SLC9A9: variants seen among roughly 807,000 people sequenced by gnomAD.
SLC9A9 encodes sodium/hydrogen exchanger 9.
SLC9A9 carries 62 observed loss-of-function variants against 77.8 expected under a neutral mutation model. That is an observed-to-expected ratio of 0.80 (90% CI 0.65 to 0.98). SLC9A9 has a LOEUF of 0.98. SLC9A9 is among the 50% of genes least tolerant of loss of function. SLC9A9 has a pLI of 0.00. For missense variants in SLC9A9, 775 were observed against 774.9 expected, an observed-to-expected ratio of 1.00 and a Z score of 0.00; for synonymous variants, 320 against 283.5, an observed-to-expected ratio of 1.13 and a Z score of -1.29.
chr3:143,463,137 T>G (rs1472294292), intron 12 of SLC9A9, among the ~76,000 whole-genome samples: 1 of 152,242 alleles, frequency 6.6e-6, no homozygotes, highest in Non-Finnish European at 1.5e-5. Flanking sequence ...AAAGGTTATC[T>G]TGTTGAGGGC....
At chr3:143,672,824 C>A (rs188738755) in intron 5 of SLC9A9, among the ~76,000 whole-genome samples, 1 of 152,292 alleles carries the variant, frequency 6.6e-6, no homozygotes. Context: ...TTTCTCCCCC[C>A]AACCTTTAAA....
chr3:143,732,282 C>T, intron 4 of SLC9A9, among the ~76,000 whole-genome samples: 1 of 152,154 alleles, frequency 6.6e-6, no homozygotes, highest in East Asian at 1.9e-4. Context: ...CCACAAATTC[C>T]TTAGTTTAGA....
intron 12 of SLC9A9, among the ~76,000 whole-genome samples, chr3:143,456,523 T>C (rs1432924636): frequency 6.6e-6 from 1 of 152,118 alleles, no homozygotes; most frequent in Non-Finnish European, 1.5e-5. Flanking sequence ...GCTTGTAGTT[T>C]ATTTTTTTGG....
chr3:143,547,562 C>T (rs189715371), intron 9 of SLC9A9, among the ~76,000 whole-genome samples: 1 of 152,304 alleles, frequency 6.6e-6, no homozygotes, highest in East Asian at 1.9e-4. Context: ...TCTCCATGAC[C>T]TGTCTCTTCT....
chr3:143,806,329 T>C (rs948141291), intron 2 of SLC9A9, among the ~76,000 whole-genome samples: 12 of 152,210 alleles, frequency 7.9e-5, no homozygotes, highest in African/African-American at 2.9e-4. Flanking sequence ...CTGTGATTTT[T>C]AGCATTTTGG....
At chr3:143,502,858 A>G (rs553988568) in intron 9 of SLC9A9, among the ~76,000 whole-genome samples, 42 of 152,272 alleles carry the variant, frequency 2.8e-4, no homozygotes, top group Admixed American at 1.4e-3. Context: ...TACTTGTAAA[A>G]TTTGTCTTTA....
At chr3:143,704,395 C>T (rs1015620679) in intron 4 of SLC9A9, among the ~76,000 whole-genome samples, 1 of 152,060 alleles carries the variant, frequency 6.6e-6, no homozygotes, top group Non-Finnish European at 1.5e-5. Flanking sequence ...GGAATTTATC[C>T]CAGGGAAGCA....
At chr3:143,592,059 A>C (rs2037653309) in intron 6 of SLC9A9, among the ~76,000 whole-genome samples, 1 of 152,196 alleles carries the variant, frequency 6.6e-6, no homozygotes, top group South Asian at 2.1e-4. Flanking sequence ...AACTTTCATC[A>C]CCTTCTCTAT....
At chr3:143,675,027 C>T (rs1022694808) in intron 5 of SLC9A9, among the ~76,000 whole-genome samples, 2 of 152,180 alleles carry the variant, frequency 1.3e-5, no homozygotes, top group African/African-American at 2.4e-5. Flanking sequence ...ATCAGAATTT[C>T]AGGAGGCAGA....
intron 9 of SLC9A9, among the ~76,000 whole-genome samples, chr3:143,531,893 A>G (rs1339065807): frequency 6.6e-6 from 1 of 152,208 alleles, no homozygotes; most frequent in East Asian, 1.9e-4. Flanking sequence ...ACTGTTACTA[A>G]GACATCCTTT....
At chr3:143,706,452 T>C (rs1933980109) in intron 4 of SLC9A9, among the ~76,000 whole-genome samples, 1 of 140,932 alleles carries the variant, frequency 7.1e-6, no homozygotes, top group Non-Finnish European at 1.5e-5. Context: ...CCACTCTACT[T>C]AGACTTTGTT....
chr3:143,818,217 T>G (rs1239008079), intron 2 of SLC9A9, among the ~76,000 whole-genome samples: 3 of 152,340 alleles, frequency 2.0e-5, no homozygotes, highest in African/African-American at 7.2e-5. Context: ...ATCACATATA[T>G]TTTTTAAATT....
intron 9 of SLC9A9, among the ~76,000 whole-genome samples, chr3:143,547,752 T>C (rs1481867324): frequency 6.6e-6 from 1 of 152,248 alleles, no homozygotes; most frequent in African/African-American, 2.4e-5. Flanking sequence ...AGGCCTTTTC[T>C]GGACACCCAA....
intron 4 of SLC9A9, among the ~76,000 whole-genome samples, chr3:143,723,300 G>C (rs959132205): frequency 1.1e-4 from 17 of 152,224 alleles, no homozygotes; most frequent in Non-Finnish European, 2.2e-4. Flanking sequence ...TGAAAAGCAA[G>C]GTCAAGACAA....
intron 6 of SLC9A9, among the ~76,000 whole-genome samples, chr3:143,597,455 G>A (rs1271506396): frequency 6.6e-6 from 1 of 152,192 alleles, no homozygotes; most frequent in Non-Finnish European, 1.5e-5. Context: ...CTGAAGGCAA[G>A]GGAGAACTGG....
intron 14 of SLC9A9, among the ~76,000 whole-genome samples, chr3:143,329,286 G>A (rs910605557): frequency 2.0e-5 from 3 of 152,188 alleles, no homozygotes; most frequent in African/African-American, 7.2e-5. Flanking sequence ...AGGGGAGTTA[G>A]TTGATGGGTG....
intron 15 of SLC9A9, 65 bp from the exon 16 acceptor site, chr3:143,266,994 A>AGT: frequency 6.8e-7 from 1 of 1,477,502 alleles, no homozygotes; most frequent in Non-Finnish European, 9.3e-7. Context: ...GCAGTCCTAC[A>AGT]ATTTTTTTTT....
intron 11 of SLC9A9, 41 bp downstream of exon 11, chr3:143,493,612 G>A (rs1394207766): frequency 6.4e-7 from 1 of 1,555,468 alleles, no homozygotes. Context: ...GTAAAATTGT[G>A]AGAAAACCAG....
chr3:143,651,149 A>G (rs2108747680), intron 6 of SLC9A9, among the ~76,000 whole-genome samples: 1 of 152,320 alleles, frequency 6.6e-6, no homozygotes, highest in Middle Eastern at 3.4e-3. Flanking sequence ...CTGATGTCCT[A>G]ATTAATTGTT....
Sources: gnomAD v4.1 joint callset for allele counts (sites outside exome capture counted in the v4.1 genomes callset) on GRCh38, gnomAD v4.1.1 for gene constraint, MANE v1.5 for transcripts, NCBI Gene and HGNC (gene_info 2026-07-23, HGNC 2026-07-21) for gene names.